Variants in ELP3 observed in about 807,000 individuals in gnomAD.
ELP3 encodes elongator complex protein 3.
A neutral mutation model predicts 74.9 loss-of-function variants in ELP3; 56 were observed. That is an observed-to-expected ratio of 0.75 (90% CI 0.60 to 0.93). ELP3 has a LOEUF of 0.93. Among genes scored for constraint, ELP3 ranks in the 40% least tolerant of loss-of-function variants. ELP3 has a pLI of 0.00. For missense variants in ELP3, 573 were observed against 686.5 expected (o/e 0.83, Z 1.85); for synonymous variants, 222 against 239.8 (o/e 0.93, Z 0.68).
intron 14 of ELP3, among the ~76,000 whole-genome samples, chr8:28,176,849 CACTGATAGAA>C (rs1406789708): frequency 1.3e-5 from 2 of 152,144 alleles, no homozygotes; most frequent in Non-Finnish European, 2.9e-5. Flanking sequence ...AAACATCCTG[CACTGATAGAA>C]ACAGAGACCC....
intron 14 of ELP3, among the ~76,000 whole-genome samples, chr8:28,169,294 C>T (rs1814427235): frequency 6.6e-6 from 1 of 152,188 alleles, no homozygotes; most frequent in African/African-American, 2.4e-5. Flanking sequence ...TAACATACCA[C>T]CCCAAAGTTT....
intron 12 of ELP3, 109 bp from the exon 13 acceptor site, chr8:28,160,120 C>A: frequency 2.1e-6 from 2 of 946,802 alleles, no homozygotes; most frequent in Non-Finnish European, 3.1e-6. Context: ...AGTGATTATT[C>A]ATTCCTTATC....
rs1407215897 is a variant in ELP3, at chr8:28,189,835, C to T, written c.*110C>T. ...TGAGCAGAGCAAATGGGGGGCTTCACCCTCATCCCGCAGCTGCAGAGACTG... is the reference window on the plus strand; with the variant it reads ...TGAGCAGAGCAAATGGGGGGCTTCATCCTCATCCCGCAGCTGCAGAGACTG... On this transcript the variant is annotated 3_prime_UTR_variant, in exon 15 of 15. Transcript: ENST00000256398. 14 of 1,179,906 alleles carry T rather than the reference C, an allele frequency of 1.2e-5. No homozygotes were observed. Among genetic ancestry groups the T allele is most frequent in the Non-Finnish European group, 1.6e-5 (13 of 811,638 alleles). The allele number at this position is 1,179,906 out of a possible 1,614,324, so 73.1% of individuals were successfully genotyped here. A position where few individuals can be genotyped will look rare whatever the true frequency, so the allele number is the denominator to read the frequency against.
chr8:28,091,590 A>T (rs533331929), upstream of ELP3, among the ~76,000 whole-genome samples: 3 of 152,248 alleles, frequency 2.0e-5, no homozygotes, highest in South Asian at 6.2e-4. Context: ...TGTCTTTATT[A>T]ATGGGAGAGG....
chr8:28,159,359 G>A (rs567360381), intron 12 of ELP3, among the ~76,000 whole-genome samples: 1 of 152,276 alleles, frequency 6.6e-6, no homozygotes, highest in Admixed American at 6.5e-5. Flanking sequence ...GACCTTTTGA[G>A]AGAAAAAGTA....
chr8:28,106,644 G>A, intron 3 of ELP3, 69 bp from the exon 4 acceptor site: 2 of 1,348,772 alleles, frequency 1.5e-6, no homozygotes, highest in South Asian at 2.4e-5. Flanking sequence ...CCTTCCGAGG[G>A]ATAAGCACTC....
chr8:28,150,498 C>T (rs971543753), intron 10 of ELP3, among the ~76,000 whole-genome samples: 8 of 151,974 alleles, frequency 5.3e-5, no homozygotes, highest in Admixed American at 2.0e-4. Flanking sequence ...AGGTTGGTGG[C>T]GGGTGTTTTT....
At chr8:28,139,771 CCT>C (rs1813152826) in intron 10 of ELP3, among the ~76,000 whole-genome samples, 2 of 151,988 alleles carry the variant, frequency 1.3e-5, no homozygotes, top group Admixed American at 6.6e-5. Context: ...ATGGTGAAAC[CCT>C]GTCTCTACTA....
chr8:28,186,942 C>T (rs1585768352), intron 14 of ELP3, among the ~76,000 whole-genome samples: 2 of 152,280 alleles, frequency 1.3e-5, no homozygotes, highest in South Asian at 4.1e-4. Context: ...TTAAGAACAA[C>T]AAAAGCTTCC....
In ELP3 at chr8:28,103,876, T is replaced by C. The variant is rs1028159130; in HGVS notation, c.259-2837T>C. On this transcript the variant is annotated intron_variant, in intron 3 of 14. Transcript: ENST00000256398. ...TCCCAAGTAACTGGGACAACAGGCATGCACCACCACACCAGCTAATTTTTG... is the reference window on the plus strand; with the variant it reads ...TCCCAAGTAACTGGGACAACAGGCACGCACCACCACACCAGCTAATTTTTG... 5.9e-5 allele frequency among the ~76,000 whole-genome samples: 9 copies of C among 152,322 alleles called. No homozygotes were observed. The South Asian group carries it at 1.9e-3, about 32-fold the overall frequency.
At chr8:28,092,891 C>G, upstream of ELP3, 1 of 417,984 alleles carries the variant, frequency 2.4e-6, no homozygotes, top group Non-Finnish European at 4.5e-6. Flanking sequence ...CAGCCTCTAT[C>G]CAGGAACTCT....
intron 10 of ELP3, among the ~76,000 whole-genome samples, chr8:28,154,248 G>C (rs1474038146): frequency 2.0e-5 from 3 of 152,174 alleles, no homozygotes; most frequent in Admixed American, 6.5e-5. Flanking sequence ...GTTATGCATT[G>C]ATCAGTTGAA....
intron 7 of ELP3, among the ~76,000 whole-genome samples, chr8:28,125,409 A>G (rs549445472): frequency 6.6e-6 from 1 of 152,358 alleles, no homozygotes; most frequent in South Asian, 2.1e-4. Flanking sequence ...TTTAAGCAGG[A>G]CTAGACTCAG....
At chr8:28,150,926 C>A (rs1229260449) in intron 10 of ELP3, among the ~76,000 whole-genome samples, 1 of 152,132 alleles carries the variant, frequency 6.6e-6, no homozygotes, top group African/African-American at 2.4e-5. Flanking sequence ...CCCAAATAAT[C>A]GGGACTACAG....
chr8:28,167,296 T>C (rs1438894858), intron 14 of ELP3, among the ~76,000 whole-genome samples: 2 of 152,202 alleles, frequency 1.3e-5, no homozygotes, highest in Non-Finnish European at 2.9e-5. Context: ...TATGGCTTTC[T>C]AGGACTGCAG....
At chr8:28,178,214 A>G (rs1325535156) in intron 14 of ELP3, among the ~76,000 whole-genome samples, 3 of 152,178 alleles carry the variant, frequency 2.0e-5, no homozygotes, top group Non-Finnish European at 4.4e-5. Flanking sequence ...TTGTCACCCA[A>G]AGACCTTACC....
At chr8:28,102,932 G>A (rs1205751528) in intron 3 of ELP3, among the ~76,000 whole-genome samples, 1 of 152,178 alleles carries the variant, frequency 6.6e-6, no homozygotes, top group Non-Finnish European at 1.5e-5. Flanking sequence ...CACTTTGGGA[G>A]GCTGAGGCAG....
In ELP3 at chr8:28,155,942, G is replaced by A; in HGVS notation, c.1101G>A (p.Arg367=). Residue 367 remains arginine, a splice_region_variant and synonymous_variant, in exon 11 of 15, where the codon AGG becomes AGA. Coordinates refer to ENST00000256398, the MANE Select transcript of ELP3 (RefSeq NM_018091.6). The stretch of plus-strand genomic sequence containing the variant: ...GCTTATGTTTTTCTCCTGTGTACAG[G>A]GATATTCCAATGCCTTTAGTTAGCT... ...PPWTRVYRVQ[R]DIPMPLVSSG... 3 of 1,612,000 alleles carry A rather than the reference G, an allele frequency of 1.9e-6. No individual in the cohort carries two copies. The South Asian group carries it at 3.3e-5, about 18-fold the overall frequency.
chr8:28,178,801 A>G (rs1051159407), intron 14 of ELP3, among the ~76,000 whole-genome samples: 2 of 152,230 alleles, frequency 1.3e-5, no homozygotes, highest in African/African-American at 4.8e-5. Context: ...ATTCTGATGA[A>G]TATGAGTGGC....
Sources: gnomAD v4.1 joint callset for allele counts (sites outside exome capture counted in the v4.1 genomes callset) on GRCh38, gnomAD v4.1.1 for gene constraint, MANE v1.5 for transcripts, NCBI Gene and HGNC (gene_info 2026-07-23, HGNC 2026-07-21) for gene names.